MBD5: variants seen among roughly 807,000 people sequenced by gnomAD.
MBD5 encodes the protein methyl-CpG binding domain protein 5.
A neutral mutation model predicts 117.3 loss-of-function variants in MBD5; 13 were observed. The ratio of observed to expected loss-of-function variants is 0.11; its 90% CI spans 0.07 to 0.18. The LOEUF is 0.18. Ranked by LOEUF, MBD5 falls within the 10% of genes least tolerant of loss-of-function variation. The probability of loss-of-function intolerance (pLI) is 1.00; values close to 1 mark genes in which losing one functional copy is unlikely to be tolerated. For synonymous variants in MBD5, 727 were observed against 766.4 expected, an observed-to-expected ratio of 0.95 and a Z score of 0.85; for missense variants, 1,879 against 2,093.8, an observed-to-expected ratio of 0.90 and a Z score of 2.00.
chr2:148,052,463 G>C (rs530568013), intron 1 of MBD5, among the ~76,000 whole-genome samples: 5 of 152,006 alleles, frequency 3.3e-5, no homozygotes, highest in African/African-American at 9.7e-5. Flanking sequence ...ACCTGCCTTG[G>C]CCTCCCAAAG....
intron 1 of MBD5, among the ~76,000 whole-genome samples, chr2:148,162,351 T>C (rs1434169769): frequency 1.3e-5 from 2 of 152,208 alleles, no homozygotes; most frequent in African/African-American, 4.8e-5. Flanking sequence ...TCATTCATTG[T>C]CTCAGAGTCA....
chr2:148,447,223 G>GAAAGAAAGAAAGAA (rs1475560139), intron 4 of MBD5, among the ~76,000 whole-genome samples: 1 of 33,506 alleles, frequency 3.0e-5, no homozygotes, highest in African/African-American at 5.0e-5. Flanking sequence ...AAGAAAGAAA[G>GAAAGAAAGAAAGAA]AAAGAAAGAA....
intron 3 of MBD5, chr2:148,264,939 A>C (rs1700820905): frequency 6.6e-6 from 1 of 152,178 alleles, no homozygotes; most frequent in Non-Finnish European, 1.5e-5. Flanking sequence ...CTGATGATCA[A>C]TAATCAAATA....
Position 148,161,033 on chromosome 2 carries a change from C to T in MBD5, c.-924-17667C>T, listed in dbSNP as rs182979833. 8.5e-5 allele frequency among the ~76,000 whole-genome samples: 13 copies of T among 152,290 alleles called. No individual in the cohort carries two copies. The East Asian group carries it at 2.5e-3, about 29-fold the overall frequency. On this transcript the variant is annotated intron_variant, in intron 1 of 13. Coordinates refer to ENST00000642680, the MANE Select transcript of MBD5 (RefSeq NM_001378120.1). The stretch of plus-strand genomic sequence containing the variant: ...TTCTACCTTTTCTTCTGTGTACTCT[C>T]TGCAAAAAGTAAATCACAACCATGA...
At chr2:148,428,360 G>A (rs952311311) in intron 4 of MBD5, among the ~76,000 whole-genome samples, 1 of 152,062 alleles carries the variant, frequency 6.6e-6, no homozygotes, top group South Asian at 2.1e-4. Context: ...ACAAATAAAT[G>A]GAAAAACGTT....
At chr2:148,334,174 G>T (rs1440515993) in intron 3 of MBD5, among the ~76,000 whole-genome samples, 1 of 151,868 alleles carries the variant, frequency 6.6e-6, no homozygotes, top group African/African-American at 2.4e-5. Flanking sequence ...TAAGTCTTTT[G>T]GAAATTGTAG....
At chr2:148,468,280 C>T (rs1313642664) in intron 7 of MBD5, 61 bp from the exon 8 acceptor site, 2 of 1,418,232 alleles carry the variant, frequency 1.4e-6, no homozygotes, top group Non-Finnish European at 2.0e-6. Context: ...TTCCTTCCCT[C>T]CCTCCCACCA....
At chr2:148,022,202 C>T (rs547194929) in intron 1 of MBD5, among the ~76,000 whole-genome samples, 2 of 152,272 alleles carry the variant, frequency 1.3e-5, no homozygotes, top group Non-Finnish European at 2.9e-5. Context: ...TGGATATTGA[C>T]TTCAGTGTTG....
intron 4 of MBD5, among the ~76,000 whole-genome samples, chr2:148,388,206 A>G (rs944161877): frequency 5.3e-5 from 8 of 152,342 alleles, no homozygotes; most frequent in African/African-American, 1.9e-4. Flanking sequence ...GGAATGGCGA[A>G]TATAAAATTT....
chr2:148,102,766 A>G (rs201431367), intron 1 of MBD5, among the ~76,000 whole-genome samples: 48,845 of 134,624 alleles, frequency 0.36, 7,654 homozygotes, highest in South Asian at 0.43. Flanking sequence ...AGAGAGGAAG[A>G]GAGAGAGAGA....
intron 1 of MBD5, among the ~76,000 whole-genome samples, chr2:148,146,804 A>G (rs946255247): frequency 1.3e-5 from 2 of 152,076 alleles, no homozygotes; most frequent in African/African-American, 4.8e-5. Flanking sequence ...TTTGTTTCTT[A>G]TATAAGATAG....
At position 148,348,004 on chromosome 2, in the gene MBD5, C is replaced by T. The variant is rs140896397; in HGVS notation, c.-557+5668C>T. Among the ~76,000 whole-genome samples, 49 of 151,988 alleles carry T rather than the reference C, an allele frequency of 3.2e-4. 1 individual carries two copies. The East Asian group carries it at 8.3e-3, about 26-fold the overall frequency. ...ATTCTTCCAGATTATGTGAAATCCC[C>T]TGAAATATGCAAGCCCATCACCTTG... On this transcript the variant is annotated intron_variant, in intron 4 of 13. Coordinates refer to ENST00000642680, the MANE Select transcript of MBD5 (RefSeq NM_001378120.1).
intron 12 of MBD5, among the ~76,000 whole-genome samples, chr2:148,507,753 C>G (rs1682083733): frequency 6.7e-6 from 1 of 148,494 alleles, no homozygotes; most frequent in African/African-American, 2.5e-5. Context: ...GAGCAAGACT[C>G]CGTCTCAAAA....
intron 4 of MBD5, among the ~76,000 whole-genome samples, chr2:148,376,248 T>C (rs896003379): frequency 2.7e-5 from 4 of 146,740 alleles, no homozygotes; most frequent in South Asian, 4.3e-4. Flanking sequence ...ATTCTTATTA[T>C]ATTTCTTTTT....
In MBD5 at chr2:148,485,785, G is replaced by C; in HGVS notation, c.3588G>C (p.Leu1196=). The change falls in exon 10 of 14, where the codon CTG becomes CTC. Residue 1196 remains leucine (L), a synonymous_variant. Transcript: ENST00000642680. ...ACAATACTTTGAGTAACCATCAACT[G>C]ACTCATCTACAGTCGCTGTTAAACA... is the stretch of plus-strand genomic sequence containing the variant. The part of the protein sequence containing the change: ...SINNTLSNHQ[L]THLQSLLNNN... The C allele has an allele frequency of 1.2e-6, 2 of 1,613,936 alleles. No individual in the cohort carries two copies. Among genetic ancestry groups the C allele is most frequent in the South Asian group, 2.2e-5 (2 of 91,074 alleles).
chr2:148,427,551 A>T (rs1242301576), intron 4 of MBD5, among the ~76,000 whole-genome samples: 2 of 151,942 alleles, frequency 1.3e-5, no homozygotes, highest in East Asian at 1.9e-4. Flanking sequence ...AAAAAACCAA[A>T]CACTGCAAGT....
chr2:148,505,133 C>T (rs928094499), intron 12 of MBD5, among the ~76,000 whole-genome samples: 2 of 152,028 alleles, frequency 1.3e-5, no homozygotes, highest in African/African-American at 4.8e-5. Flanking sequence ...ATAGACAGAA[C>T]ATGGGGTGAT....
At position 148,485,764 on chromosome 2, in the gene MBD5, T is replaced by A; in HGVS notation, c.3567T>A (p.Asn1189Lys). The A allele has an allele frequency of 2.5e-6, 4 of 1,613,150 alleles. No individual in the cohort carries two copies. Among genetic ancestry groups the A allele is most frequent in the Non-Finnish European group, 3.4e-6 (4 of 1,179,252 alleles). The change falls in exon 10 of 14, where the codon AAT (asparagine) becomes AAA (lysine). Residue 1189 changes from asparagine to lysine, a missense_variant. Transcript: ENST00000642680. ...TAGGTGATATGTCATCAATAAACAA[T>A]ACTTTGAGTAACCATCAACTGACTC... ...GLLGDMSSIN[N>K]TLSNHQLTHL... is the part of the protein sequence containing the mutation.
intron 4 of MBD5, among the ~76,000 whole-genome samples, chr2:148,365,532 T>C (rs1366638290): frequency 1.3e-5 from 2 of 152,000 alleles, no homozygotes; most frequent in African/African-American, 4.8e-5. Context: ...ATTCAAGGAA[T>C]TGAGGAGCTG....
Sources: gnomAD v4.1 joint callset for allele counts (sites outside exome capture counted in the v4.1 genomes callset) on GRCh38, gnomAD v4.1.1 for gene constraint, MANE v1.5 for transcripts, NCBI Gene and HGNC (gene_info 2026-07-23, HGNC 2026-07-21) for gene names.